The following UBE2W variants were observed in gnomAD, a reference collection of about 807,000 sequenced individuals.
UBE2W encodes ubiquitin-conjugating enzyme E2 W.
A neutral mutation model predicts 27.2 loss-of-function variants in UBE2W; 18 were observed. The ratio of observed to expected loss-of-function variants is 0.66; its 90% CI spans 0.46 to 0.98. The LOEUF is 0.98. Ranked by LOEUF, UBE2W falls within the 50% of genes least tolerant of loss-of-function variation. The pLI, the probability that UBE2W is intolerant of heterozygous loss-of-function variation, is 0.00. For missense variants in UBE2W, 90 were observed against 180.2 expected (o/e 0.50, Z 2.87); for synonymous variants, 53 against 57.2 (o/e 0.93, Z 0.33).
In UBE2W at chr8:73,793,567, T is replaced by C. The variant is rs749894748; in HGVS notation, c.*535A>G. 1.7e-5 allele frequency: 17 copies of C among 985,774 alleles called. No individual in the cohort carries two copies. Among genetic ancestry groups the C allele is most frequent in the Non-Finnish European group, 2.0e-5 (17 of 829,942 alleles). 61.1% of individuals were successfully genotyped at this position (985,774 alleles called of 1,614,324 possible). On this transcript the variant is annotated 3_prime_UTR_variant, in exon 6 of 6. Transcript: ENST00000602593. Reference sequence around the variant, plus strand: ...GCATGTTAATTCATGCTGTTAACCTTAGGATCACAGTGCATAGAATCCAAA... The same window carrying C: ...GCATGTTAATTCATGCTGTTAACCTCAGGATCACAGTGCATAGAATCCAAA...
intron 3 of UBE2W, among the ~76,000 whole-genome samples, chr8:73,817,512 T>C (rs545533292): frequency 1.3e-5 from 2 of 152,174 alleles, no homozygotes; most frequent in South Asian, 4.1e-4. Flanking sequence ...CTTGAGGACT[T>C]CAGAGGTTTT....
At chr8:73,821,507 A>G (rs1809607927) in intron 3 of UBE2W, among the ~76,000 whole-genome samples, 1 of 89,494 alleles carries the variant, frequency 1.1e-5, no homozygotes, top group Non-Finnish European at 2.1e-5. Flanking sequence ...GGAGTGAGAC[A>G]GAGTGTGTGT....
chr8:73,833,000 C>T lies in UBE2W; in HGVS notation c.16-2528G>A, dbSNP rs796770030. On this transcript the variant is annotated intron_variant, in intron 1 of 5. Transcript: ENST00000602593. ...GTCAAGAGTTCGAGACCAGCCTGGC[C>T]GATATGGTGAAACCCTACTAAAAAT... Among the ~76,000 whole-genome samples, 4 of 151,990 alleles carry T rather than the reference C, an allele frequency of 2.6e-5. No individual in the cohort carries two copies. In the East Asian group the frequency reaches 5.8e-4, roughly 22 times the overall value.
intron 1 of UBE2W, among the ~76,000 whole-genome samples, chr8:73,854,901 G>A (rs1423248799): frequency 6.6e-6 from 1 of 152,174 alleles, no homozygotes; most frequent in African/African-American, 2.4e-5. Context: ...AAGTGAGCTA[G>A]AGAAAATAAA....
intron 4 of UBE2W, among the ~76,000 whole-genome samples, chr8:73,809,009 T>A (rs1809035494): frequency 6.6e-6 from 1 of 152,224 alleles, no homozygotes; most frequent in South Asian, 2.1e-4. Flanking sequence ...CTTAATAACT[T>A]TCTTATTAAA....
chr8:73,872,114 G>GATT (rs1470923240), intron 1 of UBE2W, among the ~76,000 whole-genome samples: 1 of 152,158 alleles, frequency 6.6e-6, no homozygotes, highest in African/African-American at 2.4e-5. Flanking sequence ...TGATAATGAA[G>GATT]ATTATCTTTG....
intron 3 of UBE2W, among the ~76,000 whole-genome samples, chr8:73,822,865 T>C (rs1255855922): frequency 1.3e-5 from 2 of 151,910 alleles, no homozygotes; most frequent in Non-Finnish European, 2.9e-5. Context: ...ACCTTTCAAA[T>C]GTAGGAGGGA....
intron 4 of UBE2W, among the ~76,000 whole-genome samples, chr8:73,806,055 T>C (rs972008055): frequency 3.3e-5 from 5 of 152,006 alleles, no homozygotes; most frequent in Non-Finnish European, 7.4e-5. Context: ...CTTGGGAGGC[T>C]GAGGCAGGAG....
chr8:73,784,485 T>A (rs548664911), downstream of UBE2W, among the ~76,000 whole-genome samples: 4 of 152,316 alleles, frequency 2.6e-5, no homozygotes, highest in African/African-American at 9.6e-5. Flanking sequence ...TCTAGGTCTG[T>A]TTATATTTCT....
chr8:73,821,546 A>AGTGT (rs56856766), intron 3 of UBE2W, among the ~76,000 whole-genome samples: 3 of 8,322 alleles, frequency 3.6e-4, no homozygotes, highest in African/African-American at 7.1e-4. Context: ...GGGGTGTGGG[A>AGTGT]GTGTGTGTGT....
intron 1 of UBE2W, among the ~76,000 whole-genome samples, chr8:73,867,534 AAAAAAACAAAAAAC>A (rs976793107): frequency 1.3e-5 from 2 of 151,816 alleles, no homozygotes; most frequent in African/African-American, 2.4e-5. Context: ...ACTCTGTCTC[AAAAAAACAAAAAAC>A]AAAAAACAAA....
At position 73,787,177 on chromosome 8, in the gene UBE2W, T is replaced by A; in HGVS notation, c.*6925A>T. ...TCTTACAGGCAACTAAAAAAATGGT[T>A]GAAAGGGGCTCCCAACAGGACAGAT... is the stretch of plus-strand genomic sequence containing the variant. On this transcript the variant is annotated 3_prime_UTR_variant, in exon 6 of 6. Coordinates refer to ENST00000602593, the MANE Select transcript of UBE2W (RefSeq NM_018299.6). 2.0e-6 allele frequency: 2 copies of A among 985,462 alleles called. No individual in the cohort carries two copies. The highest frequency in any genetic ancestry group is 9.4e-5 in the South Asian group (2 of 21,288). 61.0% of individuals were successfully genotyped at this position (985,462 alleles called of 1,614,324 possible). A position where few individuals can be genotyped will look rare whatever the true frequency, so the allele number is the denominator to read the frequency against.
intron 1 of UBE2W, among the ~76,000 whole-genome samples, chr8:73,846,050 C>T (rs1382156714): frequency 6.6e-6 from 1 of 152,134 alleles, no homozygotes; most frequent in South Asian, 2.1e-4. Context: ...AAAGTGTGTA[C>T]ATCTAAACAA....
chr8:73,827,282 C>T lies in UBE2W; in HGVS notation c.108-2033G>A, dbSNP rs534038731. Among the ~76,000 whole-genome samples the T allele has an allele frequency of 2.4e-4, 36 of 151,944 alleles. No individual in the cohort carries two copies. In the South Asian group the frequency reaches 6.0e-3, roughly 25 times the overall value. On this transcript the variant is annotated intron_variant, in intron 2 of 5. Transcript: ENST00000602593. ...AGGCTGGAGTGCAATGGCGTGATCT[C>T]GGCTCACCGCAACCTCCGCCTCCTG...
At chr8:73,869,519 C>G (rs970757136) in intron 1 of UBE2W, among the ~76,000 whole-genome samples, 14 of 152,106 alleles carry the variant, frequency 9.2e-5, no homozygotes, top group Non-Finnish European at 1.6e-4. Context: ...GGTGAAACCC[C>G]GTCTCTACTA....
intron 4 of UBE2W, among the ~76,000 whole-genome samples, chr8:73,808,666 A>T (rs1809020367): frequency 6.6e-6 from 1 of 152,214 alleles, no homozygotes; most frequent in African/African-American, 2.4e-5. Context: ...CTAGGTACCT[A>T]GTAAATGTTT....
Position 73,790,537 on chromosome 8 carries a change from CTAAGA to C in UBE2W, c.*3560_*3564del, listed in dbSNP as rs1161425003. On this transcript the variant is annotated 3_prime_UTR_variant, in exon 6 of 6. Coordinates refer to ENST00000602593, the MANE Select transcript of UBE2W (RefSeq NM_018299.6). ...ATAATTGTAAATTTTAAGCATTCAG[CTAAGA>C]TATGTACAAAAAAATTAATGAAAGT... 3.0e-6 allele frequency: 3 copies of C among 983,996 alleles called. No homozygotes were observed. Among genetic ancestry groups the C allele is most frequent in the East Asian group, 2.3e-4 (2 of 8,816 alleles). 61.0% of individuals were successfully genotyped at this position (983,996 alleles called of 1,614,324 possible).
downstream of UBE2W, among the ~76,000 whole-genome samples, chr8:73,782,548 C>T (rs575675602): frequency 2.4e-4 from 36 of 152,112 alleles, no homozygotes; most frequent in African/African-American, 5.3e-4. Context: ...TCAGCATAAC[C>T]GAGATTTATC....
chr8:73,815,491 A>C, intron 3 of UBE2W, among the ~76,000 whole-genome samples: 1 of 152,218 alleles, frequency 6.6e-6, no homozygotes, highest in East Asian at 1.9e-4. Flanking sequence ...TTGAAAGTAG[A>C]CTTGTAATTG....
Sources: allele counts gnomAD v4.1 joint callset (sites outside exome capture counted in the v4.1 genomes callset), GRCh38; gene constraint gnomAD v4.1.1; transcripts MANE v1.5; gene names NCBI Gene and HGNC (gene_info 2026-07-23, HGNC 2026-07-21).